The following RIN2 variants were observed in gnomAD, a reference collection of about 807,000 sequenced individuals.
RIN2 encodes Ras and Rab interactor 2.
A neutral mutation model predicts 78.0 loss-of-function variants in RIN2; 36 were observed. The observed-to-expected ratio is 0.46, with a 90% confidence interval of 0.35 to 0.61. The LOEUF is 0.61. Ranked by LOEUF, RIN2 falls within the 20% of genes least tolerant of loss-of-function variation. The pLI, the probability that RIN2 is intolerant of heterozygous loss-of-function variation, is 0.00. For synonymous variants in RIN2, 466 were observed against 466.8 expected (o/e 1.00, Z 0.02); for missense variants, 1,087 against 1,159.7 (o/e 0.94, Z 0.91).
At chr20:19,969,292 G>A (rs1442564303) in intron 7 of RIN2, among the ~76,000 whole-genome samples, 3 of 152,120 alleles carry the variant, frequency 2.0e-5, no homozygotes, top group Non-Finnish European at 4.4e-5. Context: ...CAAAGTCCAG[G>A]CAGGACTCCA....
intron 11 of RIN2, among the ~76,000 whole-genome samples, chr20:19,996,060 A>T (rs150036076): frequency 6.6e-6 from 1 of 151,526 alleles, no homozygotes; most frequent in African/African-American, 2.4e-5. Flanking sequence ...CATGCCTGTA[A>T]TCCCAGCACT....
At chr20:19,866,125 G>A (rs1393597032) in intron 2 of RIN2, among the ~76,000 whole-genome samples, 2 of 152,076 alleles carry the variant, frequency 1.3e-5, no homozygotes, top group Non-Finnish European at 2.9e-5. Context: ...ATCTGGGGGT[G>A]ATGGGAGACA....
intron 2 of RIN2, among the ~76,000 whole-genome samples, chr20:19,828,329 G>A (rs142728571): frequency 9.2e-5 from 14 of 152,262 alleles, no homozygotes; most frequent in African/African-American, 3.4e-4. Context: ...CCCGTGAATC[G>A]GAAGTAAGTT....
At chr20:19,777,199 G>A (rs1363975758) in intron 1 of RIN2, among the ~76,000 whole-genome samples, 3 of 152,184 alleles carry the variant, frequency 2.0e-5, no homozygotes, top group Non-Finnish European at 4.4e-5. Flanking sequence ...CAGGGCCAAA[G>A]AACACAGGGA....
At chr20:19,937,345 G>A (rs1001602049) in intron 4 of RIN2, among the ~76,000 whole-genome samples, 6 of 152,142 alleles carry the variant, frequency 3.9e-5, no homozygotes, top group East Asian at 3.9e-4. Flanking sequence ...AAGAAGTGGC[G>A]AGCACCGCCC....
chr20:19,844,435 T>C lies in RIN2; in HGVS notation c.-37+44688T>C, dbSNP rs140518768. Among the ~76,000 whole-genome samples the C allele has an allele frequency of 2.0e-3, 300 of 152,304 alleles. 4 individuals are homozygous for C. The highest frequency in any genetic ancestry group is 0.014 in the Admixed American group (207 of 15,292). Reference sequence around the variant, plus strand: ...CCATATTGCTTTCAACATTAGCCTATTGTAACTCAGAAAAGTCTTATTGTC... The same window carrying C: ...CCATATTGCTTTCAACATTAGCCTACTGTAACTCAGAAAAGTCTTATTGTC... On this transcript the variant is annotated intron_variant, in intron 2 of 12. Coordinates refer to ENST00000255006, the MANE Select transcript of RIN2 (RefSeq NM_018993.4).
At chr20:19,838,981 T>A (rs1268541040) in intron 2 of RIN2, among the ~76,000 whole-genome samples, 1 of 152,052 alleles carries the variant, frequency 6.6e-6, no homozygotes, top group Non-Finnish European at 1.5e-5. Context: ...TCATTTTAAA[T>A]CCATCCATGA....
Position 20,000,594 on chromosome 20 carries a change from A to T in RIN2, c.2365-19A>T. 1.3e-6 allele frequency: 2 copies of T among 1,572,572 alleles called. No homozygotes were observed. The highest frequency in any genetic ancestry group is 1.7e-6 in the Non-Finnish European group (2 of 1,154,434). ...AGTTTTCTCTTCTGACTGTCTCAAC[A>T]TTCCTCTTCCACCTGCAGAATTACC... is the stretch of plus-strand genomic sequence containing the variant. On this transcript the variant is annotated intron_variant, in intron 12 of 12. Transcript: ENST00000255006.
rs141388700 is a variant in RIN2 at position 19,769,931 on chromosome 20, A to G, written c.-163+11604A>G. Among the ~76,000 whole-genome samples the G allele has an allele frequency of 4.5e-3, 685 of 152,364 alleles. 2 individuals carry two copies. Among genetic ancestry groups the G allele is most frequent in the Non-Finnish European group, 3.7e-3 (254 of 68,032 alleles). On this transcript the variant is annotated intron_variant, in intron 1 of 12. Transcript: ENST00000255006. Reference sequence around the variant, plus strand: ...ACAATAAAAATAATTATTGTAAGAGAAAAAGTAATCAACCCCAAGAGCAAA... The same window carrying G: ...ACAATAAAAATAATTATTGTAAGAGGAAAAGTAATCAACCCCAAGAGCAAA...
chr20:19,889,105 C>G, intron 2 of RIN2: 1 of 985,332 alleles, frequency 1.0e-6, no homozygotes, highest in Non-Finnish European at 1.2e-6. Flanking sequence ...TTGACCTTGC[C>G]TGGGGGAGAG....
At chr20:19,989,926 G>A in intron 9 of RIN2, 80 bp from the exon 10 acceptor site, 1 of 1,372,012 alleles carries the variant, frequency 7.3e-7, no homozygotes, top group East Asian at 2.5e-5. Flanking sequence ...TAGAGTTGCA[G>A]ATGTCCATTG....
chr20:19,888,738 C>G (rs979336988), intron 2 of RIN2, among the ~76,000 whole-genome samples: 4 of 152,254 alleles, frequency 2.6e-5, no homozygotes, highest in Non-Finnish European at 4.4e-5. Context: ...GTTGCTCCCC[C>G]AGGCCCCCCT....
At chr20:19,868,523 C>T (rs570269379) in intron 2 of RIN2, among the ~76,000 whole-genome samples, 9 of 152,260 alleles carry the variant, frequency 5.9e-5, no homozygotes, top group South Asian at 4.1e-4. Flanking sequence ...CCAGGAAACA[C>T]GTGAAATGAG....
chr20:19,779,459 G>A (rs1266405935), intron 1 of RIN2, among the ~76,000 whole-genome samples: 1 of 152,226 alleles, frequency 6.6e-6, no homozygotes, highest in Non-Finnish European at 1.5e-5. Flanking sequence ...CTCAGGGCAC[G>A]GGTCACTAGA....
chr20:19,860,635 G>A (rs2123275346), intron 2 of RIN2, among the ~76,000 whole-genome samples: 1 of 152,206 alleles, frequency 6.6e-6, no homozygotes, highest in South Asian at 2.1e-4. Context: ...TTAATTCTAA[G>A]CTAATTTTCA....
At chr20:19,992,112 G>A (rs1601074920) in intron 10 of RIN2, 56 bp from the exon 11 acceptor site, 12 of 1,583,910 alleles carry the variant, frequency 7.6e-6, no homozygotes, top group Non-Finnish European at 1.0e-5. Flanking sequence ...CAAGAAGGAT[G>A]TGAAAGAAAG....
chr20:19,885,856 T>C (rs1170532462), intron 2 of RIN2, among the ~76,000 whole-genome samples: 1 of 152,230 alleles, frequency 6.6e-6, no homozygotes, highest in African/African-American at 2.4e-5. Context: ...TCATGTTGTA[T>C]ACCATAAATA....
At chr20:19,811,750 A>C (rs1222761760) in intron 2 of RIN2, among the ~76,000 whole-genome samples, 1 of 150,846 alleles carries the variant, frequency 6.6e-6, no homozygotes, top group African/African-American at 2.5e-5. Flanking sequence ...CTAAAAAATG[A>C]GGGCCATCTC....
chr20:19,778,898 C>T (rs554309449), intron 1 of RIN2, among the ~76,000 whole-genome samples: 3 of 152,286 alleles, frequency 2.0e-5, no homozygotes, highest in Admixed American at 6.5e-5. Context: ...TCCTGGGATT[C>T]CCCTTCTCCA....
Sources: gnomAD v4.1 joint callset for allele counts (sites outside exome capture counted in the v4.1 genomes callset) on GRCh38, gnomAD v4.1.1 for gene constraint, MANE v1.5 for transcripts, NCBI Gene and HGNC (gene_info 2026-07-23, HGNC 2026-07-21) for gene names.